The following CDH13 variants were observed in gnomAD, a reference collection of about 807,000 sequenced individuals.
CDH13 encodes cadherin 13.
CDH13 carries 24 observed loss-of-function variants against 63.8 expected under a neutral mutation model. That is an observed-to-expected ratio of 0.38 (90% CI 0.27 to 0.53). The LOEUF (loss-of-function observed/expected upper bound fraction) is 0.53, where lower values mean the gene tolerates loss of function less well. Among genes scored for constraint, CDH13 ranks in the 20% least tolerant of loss-of-function variants. The probability of loss-of-function intolerance (pLI) is 0.85; values close to 1 mark genes in which losing one functional copy is unlikely to be tolerated. For synonymous variants in CDH13, 503 were observed against 355.3 expected (o/e 1.42, Z -4.67); for missense variants, 1,049 against 903.1 (o/e 1.16, Z -2.07).
intron 7 of CDH13, among the ~76,000 whole-genome samples, chr16:83,587,206 C>T (rs1006839976): frequency 1.3e-5 from 2 of 152,126 alleles, no homozygotes; most frequent in Admixed American, 6.5e-5. Flanking sequence ...GGAACAGGTT[C>T]GAGGGAACGG....
chr16:82,966,028 C>T (rs1907758378), intron 2 of CDH13, among the ~76,000 whole-genome samples: 1 of 152,212 alleles, frequency 6.6e-6, no homozygotes, highest in Non-Finnish European at 1.5e-5. Context: ...CTTGGCTAGC[C>T]TCAGAGGTAC....
chr16:83,507,564 C>G (rs373673324), intron 7 of CDH13, among the ~76,000 whole-genome samples: 182 of 152,268 alleles, frequency 1.2e-3, no homozygotes, highest in African/African-American at 4.0e-3. Flanking sequence ...GCCCAGGAAA[C>G]GTTTCCAAAG....
At chr16:82,641,718 A>C (rs1034357116) in intron 1 of CDH13, among the ~76,000 whole-genome samples, 2 of 152,230 alleles carry the variant, frequency 1.3e-5, no homozygotes, top group Non-Finnish European at 2.9e-5. Flanking sequence ...GCATTCAGTC[A>C]TTTATCAACA....
At position 83,219,493 on chromosome 16, in the gene CDH13, A is replaced by G. The variant is rs547131440; in HGVS notation, c.636+1996A>G. Among the ~76,000 whole-genome samples, 5 of 152,354 alleles carry G rather than the reference A, an allele frequency of 3.3e-5. No individual in the cohort carries two copies. The South Asian group carries it at 1.0e-3, about 32-fold the overall frequency. On this transcript the variant is annotated intron_variant, in intron 5 of 13. Coordinates refer to ENST00000567109, the MANE Select transcript of CDH13 (RefSeq NM_001257.5). The stretch of plus-strand genomic sequence containing the variant: ...AATAATAATGATGTCATAGGATTTC[A>G]TAAGGATTAAATGAGTTAATACATA...
intron 6 of CDH13, among the ~76,000 whole-genome samples, chr16:83,358,236 A>G (rs2091094682): frequency 6.6e-6 from 1 of 152,154 alleles, no homozygotes; most frequent in South Asian, 2.1e-4. Flanking sequence ...GGTCTATGTT[A>G]GACTTCTAGG....
chr16:83,250,868 A>G (rs747689282), intron 5 of CDH13, among the ~76,000 whole-genome samples: 4 of 152,176 alleles, frequency 2.6e-5, no homozygotes, highest in Non-Finnish European at 5.9e-5. Context: ...GAGTGACTTA[A>G]ATTCTTTGTT....
intron 8 of CDH13, among the ~76,000 whole-genome samples, chr16:83,619,634 C>T (rs1041181106): frequency 6.9e-6 from 1 of 145,474 alleles, no homozygotes; most frequent in Admixed American, 6.9e-5. Context: ...CACGAGCATC[C>T]CCCCAGTTCC....
chr16:83,658,241 A>G (rs1177431214), intron 8 of CDH13, among the ~76,000 whole-genome samples: 39 of 134,882 alleles, frequency 2.9e-4, no homozygotes, highest in African/African-American at 1.1e-3. Flanking sequence ...CTCACCAGCA[A>G]GGTCCCATGT....
At chr16:83,099,543 C>T (rs756577836) in intron 3 of CDH13, among the ~76,000 whole-genome samples, 8 of 151,294 alleles carry the variant, frequency 5.3e-5, no homozygotes, top group African/African-American at 1.9e-4. Flanking sequence ...AGGCTGGTCT[C>T]GAAGTCCTAA....
In CDH13 at chr16:83,748,030, G is replaced by T. The variant is rs146515389; in HGVS notation, c.1539-78G>T. 4.7e-4 allele frequency: 700 copies of T among 1,491,954 alleles called. 6 individuals are homozygous for T. In the African/African-American group the frequency reaches 7.4e-3, roughly 16 times the overall value. 92.4% of individuals were successfully genotyped at this position (1,491,954 alleles called of 1,614,324 possible). A position where few individuals can be genotyped will look rare whatever the true frequency, so the allele number is the denominator to read the frequency against. On this transcript the variant is annotated intron_variant, in intron 10 of 13. Coordinates refer to ENST00000567109, the MANE Select transcript of CDH13 (RefSeq NM_001257.5). ...CTAGGATCCAGCACCTAGCCTAGGA[G>T]CTCATGCCCTGCACTCTGTAAATGT...
chr16:83,131,505 G>A (rs993789720), intron 4 of CDH13, among the ~76,000 whole-genome samples: 1 of 151,992 alleles, frequency 6.6e-6, no homozygotes. Context: ...CAAAATTTGG[G>A]CCATAAATAA....
intron 7 of CDH13, among the ~76,000 whole-genome samples, chr16:83,573,411 T>G (rs1904824865): frequency 6.6e-6 from 1 of 152,104 alleles, no homozygotes; most frequent in Admixed American, 6.6e-5. Flanking sequence ...AGCATGGAGG[T>G]GACCACTGAA....
At chr16:83,615,503 A>T (rs1909209639) in intron 8 of CDH13, among the ~76,000 whole-genome samples, 1 of 152,084 alleles carries the variant, frequency 6.6e-6, no homozygotes, top group African/African-American at 2.4e-5. Flanking sequence ...TTATAGTGAT[A>T]TATGTGAGGC....
intron 1 of CDH13, among the ~76,000 whole-genome samples, chr16:82,660,139 A>T (rs1400810811): frequency 6.6e-6 from 1 of 152,298 alleles, no homozygotes; most frequent in East Asian, 1.9e-4. Flanking sequence ...TTTGGGTTTC[A>T]GAGGAAGCTG....
At chr16:82,828,430 C>T (rs537589844) in intron 1 of CDH13, among the ~76,000 whole-genome samples, 56 of 152,180 alleles carry the variant, frequency 3.7e-4, no homozygotes, top group African/African-American at 1.3e-3. Flanking sequence ...CTAGCCTGGC[C>T]AACATAGTGA....
At chr16:82,814,576 A>C (rs975225462) in intron 1 of CDH13, among the ~76,000 whole-genome samples, 1 of 152,194 alleles carries the variant, frequency 6.6e-6, no homozygotes, top group Non-Finnish European at 1.5e-5. Context: ...CACAGAGGGC[A>C]TGGAAGCTCT....
chr16:83,279,218 G>C (rs1449152995), intron 5 of CDH13, among the ~76,000 whole-genome samples: 1 of 152,142 alleles, frequency 6.6e-6, no homozygotes, highest in Non-Finnish European at 1.5e-5. Context: ...ATCAGGGCTA[G>C]ATTTATTCTG....
intron 2 of CDH13, among the ~76,000 whole-genome samples, chr16:82,890,805 C>A (rs1245034177): frequency 6.6e-6 from 1 of 152,062 alleles, no homozygotes; most frequent in Non-Finnish European, 1.5e-5. Flanking sequence ...GCATGCACCA[C>A]CACGCCCAGC....
At chr16:83,525,429 A>T (rs1338514044) in intron 7 of CDH13, among the ~76,000 whole-genome samples, 1 of 152,224 alleles carries the variant, frequency 6.6e-6, no homozygotes, top group Non-Finnish European at 1.5e-5. Context: ...ATTTGTAAAC[A>T]GGTTTCTTGG....
Sources: allele counts gnomAD v4.1 joint callset (sites outside exome capture counted in the v4.1 genomes callset), GRCh38; gene constraint gnomAD v4.1.1; transcripts MANE v1.5; gene names NCBI Gene and HGNC (gene_info 2026-07-23, HGNC 2026-07-21).